XKR4: variants seen among roughly 807,000 people sequenced by gnomAD.
XKR4 encodes the protein XK related 4, also known as XK-related protein 4.
XKR4 carries 12 observed loss-of-function variants against 53.9 expected under a neutral mutation model. The observed-to-expected ratio is 0.22, with a 90% CI of 0.14 to 0.36. XKR4 has a LOEUF of 0.36. XKR4 is among the 10% of genes least tolerant of loss of function. The pLI is 1.00. For missense variants in XKR4, 799 were observed against 859.5 expected (o/e 0.93, Z 0.88); for synonymous variants, 354 against 362.4 (o/e 0.98, Z 0.26).
At chr8:55,358,898 G>A (rs1045476176) in intron 2 of XKR4, among the ~76,000 whole-genome samples, 10 of 152,224 alleles carry the variant, frequency 6.6e-5, no homozygotes, top group African/African-American at 2.4e-4. Flanking sequence ...ATGGCATGGA[G>A]CATGCTAGTT....
chr8:55,117,475 T>A (rs1362519630), intron 1 of XKR4, among the ~76,000 whole-genome samples: 2 of 152,180 alleles, frequency 1.3e-5, no homozygotes, highest in African/African-American at 4.8e-5. Context: ...TTTGGTGGAT[T>A]AATAAATAGT....
At chr8:55,201,361 C>A (rs1426171426) in intron 1 of XKR4, among the ~76,000 whole-genome samples, 1 of 152,190 alleles carries the variant, frequency 6.6e-6, no homozygotes. Flanking sequence ...ATGGTGACAG[C>A]CCATGCTGTG....
chr8:55,136,457 C>A (rs867154534), intron 1 of XKR4, among the ~76,000 whole-genome samples: 149 of 152,252 alleles, frequency 9.8e-4, no homozygotes, highest in African/African-American at 3.4e-3. Flanking sequence ...CTCACACCAG[C>A]AAACTGTTAT....
At chr8:55,226,837 G>C (rs1817959711) in intron 1 of XKR4, among the ~76,000 whole-genome samples, 1 of 152,158 alleles carries the variant, frequency 6.6e-6, no homozygotes, top group South Asian at 2.1e-4. Flanking sequence ...TCAAACACGA[G>C]TCTTATCCCA....
chr8:55,446,093 T>C (rs1190929528), intron 2 of XKR4, among the ~76,000 whole-genome samples: 3 of 152,184 alleles, frequency 2.0e-5, no homozygotes, highest in Non-Finnish European at 4.4e-5. Flanking sequence ...TTTGTCCTCC[T>C]GCCTCACTCC....
At chr8:55,206,135 G>A (rs998595088) in intron 1 of XKR4, among the ~76,000 whole-genome samples, 1 of 152,228 alleles carries the variant, frequency 6.6e-6, no homozygotes, top group Admixed American at 6.5e-5. Flanking sequence ...GACCCAAAGC[G>A]TGAGCAGCAG....
chr8:55,451,134 T>C (rs897062985), intron 2 of XKR4: 1 of 519,526 alleles, frequency 1.9e-6, no homozygotes. Flanking sequence ...GGCTGCTTGC[T>C]GTGGCCACAG....
At chr8:55,157,957 G>A (rs1225326954) in intron 1 of XKR4, among the ~76,000 whole-genome samples, 1 of 152,136 alleles carries the variant, frequency 6.6e-6, no homozygotes, top group East Asian at 1.9e-4. Flanking sequence ...TTGCTATTGT[G>A]AATAGCAATG....
rs141385202 is a variant in XKR4 at position 55,494,771 on chromosome 8, A to T, written c.1007-28510A>T. 2.8e-3 allele frequency among the ~76,000 whole-genome samples: 429 copies of T among 151,766 alleles called. 4 individuals are homozygous for T. Among genetic ancestry groups the T allele is most frequent in the Non-Finnish European group, 2.6e-3 (175 of 67,880 alleles). ...CTGGCTGAGTCTGGGGTTTTTATGG[A>T]CCTCAGACGGGAGGAAGTGCATGCT... On this transcript the variant is annotated intron_variant, in intron 2 of 2. Coordinates refer to ENST00000327381, the MANE Select transcript of XKR4 (RefSeq NM_052898.2).
intron 1 of XKR4, among the ~76,000 whole-genome samples, chr8:55,322,516 A>G (rs1215082559): frequency 6.6e-6 from 1 of 152,234 alleles, no homozygotes; most frequent in African/African-American, 2.4e-5. Context: ...GTGAAACCAT[A>G]AGGCAGAAGC....
At chr8:55,324,410 T>G (rs1803265049) in intron 1 of XKR4, among the ~76,000 whole-genome samples, 1 of 152,224 alleles carries the variant, frequency 6.6e-6, no homozygotes. Context: ...TTCTTTGCCC[T>G]TAAGAAGTGG....
intron 2 of XKR4, among the ~76,000 whole-genome samples, chr8:55,503,059 TTGTC>T (rs1443022445): frequency 6.6e-6 from 1 of 152,220 alleles, no homozygotes; most frequent in African/African-American, 2.4e-5. Flanking sequence ...ATTGGTCTAT[TTGTC>T]TGTCTTTCTG....
intron 2 of XKR4, among the ~76,000 whole-genome samples, chr8:55,459,245 C>A (rs1805613633): frequency 1.3e-5 from 2 of 151,944 alleles, no homozygotes; most frequent in African/African-American, 4.8e-5. Flanking sequence ...GATCATAAAC[C>A]CTTGGCTTAT....
At chr8:55,509,243 A>G (rs2129404422) in intron 2 of XKR4, among the ~76,000 whole-genome samples, 1 of 152,308 alleles carries the variant, frequency 6.6e-6, no homozygotes, top group Middle Eastern at 3.4e-3. Context: ...CTTTCTTGCC[A>G]TTTATGATCT....
intron 1 of XKR4, among the ~76,000 whole-genome samples, chr8:55,203,488 C>T (rs548462385): frequency 2.6e-5 from 4 of 152,274 alleles, no homozygotes; most frequent in Non-Finnish European, 4.4e-5. Flanking sequence ...TAAGAGAGAC[C>T]TCATCTCAGA....
intron 1 of XKR4, among the ~76,000 whole-genome samples, chr8:55,294,014 G>A (rs991321797): frequency 2.0e-5 from 3 of 152,072 alleles, no homozygotes; most frequent in Admixed American, 6.5e-5. Context: ...AATACTTCAC[G>A]CCCAAGACAC....
intron 2 of XKR4, chr8:55,451,633 A>G: frequency 6.5e-7 from 1 of 1,548,602 alleles, no homozygotes; most frequent in Non-Finnish European, 8.8e-7. Flanking sequence ...GCAGTAGGAC[A>G]CGCGCTGCAG....
chr8:55,211,837 A>G (rs1817736032), intron 1 of XKR4, among the ~76,000 whole-genome samples: 1 of 152,272 alleles, frequency 6.6e-6, no homozygotes, highest in Admixed American at 6.5e-5. Flanking sequence ...AGCAAATATG[A>G]GGACCATGGC....
At chr8:55,329,632 G>T (rs1052457488) in intron 1 of XKR4, among the ~76,000 whole-genome samples, 1 of 152,056 alleles carries the variant, frequency 6.6e-6, no homozygotes, top group Non-Finnish European at 1.5e-5. Context: ...CTTGTTTACT[G>T]GCGTGTACTT....
Sources: allele counts gnomAD v4.1 joint callset (sites outside exome capture counted in the v4.1 genomes callset), GRCh38; gene constraint gnomAD v4.1.1; transcripts MANE v1.5; gene names NCBI Gene and HGNC (gene_info 2026-07-23, HGNC 2026-07-21).